The following TMEM163 variants were observed in gnomAD, a reference collection of about 807,000 sequenced individuals.
TMEM163 encodes the protein transmembrane protein 163.
In TMEM163, 17 loss-of-function variants were observed where a neutral mutation model predicts 29.3. That is an observed-to-expected ratio of 0.58 (90% CI 0.40 to 0.87). The LOEUF is 0.87. Ranked by LOEUF, TMEM163 falls within the 40% of genes least tolerant of loss-of-function variation. The probability of loss-of-function intolerance (pLI) is 0.00; values close to 1 mark genes in which losing one functional copy is unlikely to be tolerated. For missense variants in TMEM163, 303 were observed against 381.5 expected, an observed-to-expected ratio of 0.79 and a Z score of 1.71; for synonymous variants, 157 against 160.6, an observed-to-expected ratio of 0.98 and a Z score of 0.17.
At chr2:134,579,790 T>G (rs902512501) in intron 2 of TMEM163, among the ~76,000 whole-genome samples, 1 of 152,194 alleles carries the variant, frequency 6.6e-6, no homozygotes, top group Non-Finnish European at 1.5e-5. Flanking sequence ...ACTCACAAAG[T>G]TGTGAAAATT....
At chr2:134,565,177 G>A (rs1382644183) in intron 2 of TMEM163, among the ~76,000 whole-genome samples, 3 of 152,100 alleles carry the variant, frequency 2.0e-5, no homozygotes, top group African/African-American at 4.8e-5. Context: ...GGCAGAGGTT[G>A]TAGTGATCTG....
chr2:134,477,886 G>C (rs932713980), intron 5 of TMEM163, among the ~76,000 whole-genome samples: 2 of 152,188 alleles, frequency 1.3e-5, no homozygotes, highest in African/African-American at 4.8e-5. Flanking sequence ...TTGGATGTTT[G>C]TCCTCTCCAA....
chr2:134,496,330 G>A (rs1033355122), intron 5 of TMEM163, among the ~76,000 whole-genome samples: 4 of 152,120 alleles, frequency 2.6e-5, no homozygotes, highest in African/African-American at 9.7e-5. Flanking sequence ...CCAAAGTGCT[G>A]GGATTACAGA....
At position 134,535,583 on chromosome 2, in the gene TMEM163, G is replaced by A. The variant is rs554472143; in HGVS notation, c.458+14987C>T. On this transcript the variant is annotated intron_variant, in intron 4 of 7. Coordinates refer to ENST00000281924, the MANE Select transcript of TMEM163 (RefSeq NM_030923.5). ...AAAGGGCATAAAGTTTCAATTATACGAGACGAATAAGTTCTGGAGACCTGC... is the reference window on the plus strand; with the variant it reads ...AAAGGGCATAAAGTTTCAATTATACAAGACGAATAAGTTCTGGAGACCTGC... 3.9e-5 allele frequency among the ~76,000 whole-genome samples: 6 copies of A among 152,232 alleles called. No homozygotes were observed. The East Asian group carries it at 9.6e-4, about 24-fold the overall frequency.
chr2:134,471,300 T>C (rs1686795143), intron 5 of TMEM163, among the ~76,000 whole-genome samples: 1 of 152,176 alleles, frequency 6.6e-6, no homozygotes, highest in Non-Finnish European at 1.5e-5. Flanking sequence ...GAAAGATAAT[T>C]AGGGTTAGAT....
chr2:134,665,231 G>T (rs972638644), intron 2 of TMEM163, among the ~76,000 whole-genome samples: 13 of 152,170 alleles, frequency 8.5e-5, no homozygotes, highest in African/African-American at 3.1e-4. Flanking sequence ...TAAAGAAAAA[G>T]AGGTTTAATG....
chr2:134,712,031 A>G (rs556563544), intron 2 of TMEM163, among the ~76,000 whole-genome samples: 1 of 152,308 alleles, frequency 6.6e-6, no homozygotes, highest in African/African-American at 2.4e-5. Context: ...GGGCAAGGGG[A>G]AGGAGTAGCT....
At position 134,642,372 on chromosome 2, in the gene TMEM163, C is replaced by T. The variant is rs143398788; in HGVS notation, c.322+70828G>A. On this transcript the variant is annotated intron_variant, in intron 2 of 7. Coordinates refer to ENST00000281924, the MANE Select transcript of TMEM163 (RefSeq NM_030923.5). ...CTCGAACTCCTAACCTCAGGTGATC[C>T]ACCCGCCTTGACCTCCCACAGTCCT... is the stretch of plus-strand genomic sequence containing the variant. Among the ~76,000 whole-genome samples, 233 of 152,192 alleles carry T rather than the reference C, an allele frequency of 1.5e-3. 2 individuals are homozygous for T. The Middle Eastern group carries it at 0.02, about 13-fold the overall frequency.
intron 4 of TMEM163, among the ~76,000 whole-genome samples, chr2:134,548,279 G>A (rs1261098344): frequency 1.3e-5 from 2 of 152,008 alleles, no homozygotes; most frequent in East Asian, 3.9e-4. Context: ...ATATCAACAT[G>A]TAATGAACAT....
At chr2:134,659,607 G>A (rs1302389443) in intron 2 of TMEM163, among the ~76,000 whole-genome samples, 21 of 152,220 alleles carry the variant, frequency 1.4e-4, no homozygotes, top group Non-Finnish European at 1.5e-5. Context: ...TCTAGGCTCT[G>A]CAGATGCCAT....
intron 2 of TMEM163, among the ~76,000 whole-genome samples, chr2:134,563,552 C>G (rs1681228882): frequency 6.6e-6 from 1 of 152,094 alleles, no homozygotes; most frequent in African/African-American, 2.4e-5. Flanking sequence ...TAGGAAAAAA[C>G]TAATGAAACT....
intron 2 of TMEM163, among the ~76,000 whole-genome samples, chr2:134,578,591 CA>C (rs1159842619): frequency 1.3e-5 from 2 of 152,154 alleles, no homozygotes; most frequent in Admixed American, 1.3e-4. Context: ...CTTTCCCCCA[CA>C]GTACAATTAG....
intron 2 of TMEM163, among the ~76,000 whole-genome samples, chr2:134,571,811 G>A (rs1342412488): frequency 6.6e-6 from 1 of 152,150 alleles, no homozygotes; most frequent in Non-Finnish European, 1.5e-5. Context: ...AAGCCTGTTA[G>A]AGACTCGGTG....
intron 5 of TMEM163, among the ~76,000 whole-genome samples, chr2:134,492,239 C>G (rs1679446039): frequency 6.6e-6 from 1 of 152,154 alleles, no homozygotes; most frequent in Non-Finnish European, 1.5e-5. Context: ...AAAACAAAAC[C>G]TCACTTCACA....
At chr2:134,516,718 T>TAG in intron 4 of TMEM163, among the ~76,000 whole-genome samples, 1 of 144,682 alleles carries the variant, frequency 6.9e-6, no homozygotes, top group Non-Finnish European at 1.5e-5. Context: ...TATACATATA[T>TAG]ATTCATATAT....
intron 2 of TMEM163, among the ~76,000 whole-genome samples, chr2:134,641,713 T>C (rs1683223861): frequency 6.6e-6 from 1 of 152,102 alleles, no homozygotes; most frequent in East Asian, 1.9e-4. Flanking sequence ...AATTAAATGG[T>C]ATATCTAAAG....
intron 2 of TMEM163, among the ~76,000 whole-genome samples, chr2:134,630,401 G>A (rs576027321): frequency 4.4e-4 from 67 of 151,876 alleles, no homozygotes; most frequent in East Asian, 3.3e-3. Flanking sequence ...TATTTCCAGC[G>A]TTTTCAAATC....
intron 5 of TMEM163, among the ~76,000 whole-genome samples, chr2:134,499,072 G>A (rs1446065167): frequency 3.3e-5 from 5 of 152,276 alleles, no homozygotes; most frequent in Middle Eastern, 3.4e-3. Context: ...GGGTAAAAAC[G>A]GGGAGAGCAA....
At position 134,458,070 on chromosome 2, in the gene TMEM163, G is replaced by A. The variant is rs377703633; in HGVS notation, c.771C>T (p.Gly257=). The A allele has an allele frequency of 2.2e-5, 35 of 1,614,084 alleles. No individual in the cohort carries two copies. Among genetic ancestry groups the A allele is most frequent in the African/African-American group, 5.3e-5 (4 of 74,924 alleles). The change falls in exon 7 of 8, where the codon GGC becomes GGT. Residue 257 remains glycine, a synonymous_variant. Transcript: ENST00000281924. ...SAVWYLDGSI[G]VLIGLTIFAY... ...CAAATATGGTGAGGCCGATCAGAAC[G>A]CCTATGCTGCCGTCCAGGTACCAGA... is the stretch of plus-strand genomic sequence containing the variant.
Sources: gnomAD v4.1 joint callset for allele counts (sites outside exome capture counted in the v4.1 genomes callset) on GRCh38, gnomAD v4.1.1 for gene constraint, MANE v1.5 for transcripts, NCBI Gene and HGNC (gene_info 2026-07-23, HGNC 2026-07-21) for gene names.